RPIA: variants seen among roughly 807,000 people sequenced by gnomAD.
The protein encoded by RPIA is ribose-5-phosphate isomerase.
In RPIA, 29 loss-of-function variants were observed where a neutral mutation model predicts 37.8. That is an observed-to-expected ratio of 0.77 (90% CI 0.57 to 1.05). RPIA has a LOEUF of 1.05. Among genes scored for constraint, RPIA ranks in the 50% least tolerant of loss-of-function variants. The probability of loss-of-function intolerance (pLI) is 0.00; values close to 1 mark genes in which losing one functional copy is unlikely to be tolerated. For missense variants in RPIA, 385 were observed against 413.6 expected (o/e 0.93, Z 0.60); for synonymous variants, 167 against 157.0 (o/e 1.06, Z -0.48).
intron 3 of RPIA, among the ~76,000 whole-genome samples, chr2:88,708,757 T>TC (rs1370103518): frequency 2.5e-4 from 37 of 148,074 alleles, no homozygotes; most frequent in African/African-American, 9.2e-4. Flanking sequence ...CAAATGGATT[T>TC]TTTTTTTTTT....
chr2:88,748,831 C>T (rs1327282082), intron 8 of RPIA, among the ~76,000 whole-genome samples: 1 of 152,172 alleles, frequency 6.6e-6, no homozygotes, highest in Non-Finnish European at 1.5e-5. Flanking sequence ...CCACCTCAGC[C>T]TCCTGAGTAG....
At chr2:88,738,119 C>T in intron 8 of RPIA, 43 bp downstream of exon 8, 1 of 1,406,948 alleles carries the variant, frequency 7.1e-7, no homozygotes, top group African/African-American at 1.4e-5. Context: ...CACCCATGGC[C>T]TTCATAACTG....
At chr2:88,726,639 G>A (rs1267611984) in intron 3 of RPIA, among the ~76,000 whole-genome samples, 3 of 152,206 alleles carry the variant, frequency 2.0e-5, no homozygotes, top group Non-Finnish European at 2.9e-5. Flanking sequence ...ATATGGTAGA[G>A]AAGAAGTAGA....
At chr2:88,748,305 T>C (rs1370914005) in intron 8 of RPIA, among the ~76,000 whole-genome samples, 4 of 152,252 alleles carry the variant, frequency 2.6e-5, no homozygotes, top group Non-Finnish European at 5.9e-5. Flanking sequence ...TCCTTTTTTT[T>C]CTGAATACCT....
At chr2:88,702,329 A>G (rs1411207070) in intron 3 of RPIA, among the ~76,000 whole-genome samples, 1 of 151,948 alleles carries the variant, frequency 6.6e-6, no homozygotes, top group South Asian at 2.1e-4. Context: ...AATGTAAGCA[A>G]CCTTTTCCTA....
intron 1 of RPIA, among the ~76,000 whole-genome samples, chr2:88,695,588 G>T (rs1272623764): frequency 6.6e-6 from 1 of 152,200 alleles, no homozygotes; most frequent in Non-Finnish European, 1.5e-5. Flanking sequence ...ATTTTTATAT[G>T]TGAGATATTT....
At chr2:88,715,118 A>G (rs1440646740) in intron 3 of RPIA, among the ~76,000 whole-genome samples, 1 of 152,266 alleles carries the variant, frequency 6.6e-6, no homozygotes, top group Non-Finnish European at 1.5e-5. Flanking sequence ...AGGTTTAACC[A>G]TAGGGCCACC....
chr2:88,749,567 T>A (rs1454624670), intron 8 of RPIA, among the ~76,000 whole-genome samples: 1 of 152,220 alleles, frequency 6.6e-6, no homozygotes, highest in Non-Finnish European at 1.5e-5. Flanking sequence ...GCTGGTGGTA[T>A]GATTGAAAAT....
intron 8 of RPIA, among the ~76,000 whole-genome samples, chr2:88,739,055 A>G (rs1349435406): frequency 6.6e-6 from 1 of 152,194 alleles, no homozygotes; most frequent in African/African-American, 2.4e-5. Context: ...TGGGCAGTGT[A>G]GAGATGAGTT....
intron 3 of RPIA, among the ~76,000 whole-genome samples, chr2:88,718,881 C>T (rs1485407077): frequency 6.6e-6 from 1 of 152,074 alleles, no homozygotes; most frequent in African/African-American, 2.4e-5. Flanking sequence ...CTATAAATAG[C>T]TTAAAAGAAG....
chr2:88,725,340 G>T (rs1394915203), intron 3 of RPIA, among the ~76,000 whole-genome samples: 1 of 147,206 alleles, frequency 6.8e-6, no homozygotes, highest in Non-Finnish European at 1.5e-5. Context: ...AGACTGAATA[G>T]CTTAAAAAAA....
At position 88,738,210 on chromosome 2, in the gene RPIA, A is replaced by G. The variant is rs1673339397; in HGVS notation, c.838+134A>G. The G allele has an allele frequency of 8.4e-6, 6 of 716,350 alleles. No individual in the cohort carries two copies. In the South Asian group the frequency reaches 9.0e-5, roughly 11 times the overall value. The allele number at this position is 716,350 out of a possible 1,614,324, so 44.4% of individuals were successfully genotyped here. ...TGGAAAGAAGAATTCCCTTTATACC[A>G]TGTTTGGGTTTTTAACTTCACCTCC... On this transcript the variant is annotated intron_variant, in intron 8 of 8. Transcript: ENST00000283646.
chr2:88,734,735 A>T, intron 5 of RPIA, 119 bp downstream of exon 5: 2 of 1,086,778 alleles, frequency 1.8e-6, no homozygotes, highest in Non-Finnish European at 2.8e-6. Flanking sequence ...TCTTTCTCCT[A>T]GGATATTGAT....
chr2:88,700,038 C>G lies in RPIA; in HGVS notation c.376C>G (p.Leu126Val), dbSNP rs761632118. ...AAGGGTGAAGCAAGAGAATCTGAAC[C>G]TCGTCTGTATTCCCACTTCCTTCCA... ...AERVKQENLN[L>V]VCIPTSFQAR... is the part of the protein sequence containing the mutation. The change falls in exon 3 of 9, where the codon CTC becomes GTC. Residue 126 changes from leucine (L) to valine (V), a missense_variant. Coordinates refer to ENST00000283646, the MANE Select transcript of RPIA (RefSeq NM_144563.3). The G allele has an allele frequency of 5.0e-6, 8 of 1,614,158 alleles. No homozygotes were observed. Among genetic ancestry groups the G allele is most frequent in the Middle Eastern group, 1.6e-4 (1 of 6,062 alleles).
chr2:88,699,964 AG>A (rs778296502), intron 2 of RPIA, 44 bp from the exon 3 acceptor site: 4 of 1,598,472 alleles, frequency 2.5e-6, no homozygotes, highest in African/African-American at 1.3e-5. Flanking sequence ...AGAAGAATAA[AG>A]TAAGGAGAGT....
chr2:88,735,503 T>A (rs1355876741), intron 5 of RPIA, among the ~76,000 whole-genome samples, 166 bp from the exon 6 acceptor site: 1 of 152,228 alleles, frequency 6.6e-6, no homozygotes, highest in African/African-American at 2.4e-5. Context: ...TAGAGTCCAT[T>A]TACTAGGAGC....
intron 3 of RPIA, among the ~76,000 whole-genome samples, chr2:88,702,026 TAGATA>T (rs1558688779): frequency 6.6e-6 from 1 of 152,224 alleles, no homozygotes; most frequent in African/African-American, 2.4e-5. Context: ...TGTGACTAAT[TAGATA>T]AATTTCCTCC....
intron 3 of RPIA, among the ~76,000 whole-genome samples, chr2:88,727,695 TC>T (rs1308516182): frequency 6.6e-6 from 1 of 152,216 alleles, no homozygotes. Flanking sequence ...CCATCCATGT[TC>T]CTGAAAAGGA....
intron 3 of RPIA, among the ~76,000 whole-genome samples, chr2:88,722,393 A>G (rs542043420): frequency 7.9e-5 from 12 of 152,244 alleles, no homozygotes; most frequent in African/African-American, 1.2e-4. Context: ...AAGTTTGTCT[A>G]CAAGTATTTA....
Sources: allele counts gnomAD v4.1 joint callset (sites outside exome capture counted in the v4.1 genomes callset), GRCh38; gene constraint gnomAD v4.1.1; transcripts MANE v1.5; gene names NCBI Gene and HGNC (gene_info 2026-07-23, HGNC 2026-07-21).